The following XPO1 variants were observed in gnomAD, a reference collection of about 807,000 sequenced individuals.
The protein encoded by XPO1 is exportin-1.
In XPO1, 5 loss-of-function variants were observed where a neutral mutation model predicts 133.3. The observed-to-expected ratio is 0.04, with a 90% CI of 0.02 to 0.08. The LOEUF (loss-of-function observed/expected upper bound fraction) is 0.08, where lower values mean the gene tolerates loss of function less well. Among genes scored for constraint, XPO1 ranks in the 10% least tolerant of loss-of-function variants. The probability of loss-of-function intolerance (pLI) is 1.00; values close to 1 mark genes in which losing one functional copy is unlikely to be tolerated. For synonymous variants in XPO1, 419 were observed against 408.2 expected, an observed-to-expected ratio of 1.03 and a Z score of -0.32; for missense variants, 506 against 1,267.5, an observed-to-expected ratio of 0.40 and a Z score of 9.12.
At chr2:61,505,900 A>G (rs114890184) in intron 4 of XPO1, among the ~76,000 whole-genome samples, 2,380 of 152,236 alleles carry the variant, frequency 0.016, 55 homozygotes, top group African/African-American at 0.053. Flanking sequence ...ACTACTTTCC[A>G]TATGTCCTTA....
In XPO1 at chr2:61,533,740, TAATGTTATAAAG is replaced by T; in HGVS notation, c.126+20_126+31del. 1 of 1,546,458 alleles carries T rather than the reference TAATGTTATAAAG, an allele frequency of 6.5e-7. No homozygotes were observed. The highest frequency in any genetic ancestry group is 8.7e-7 in the Non-Finnish European group (1 of 1,148,728). On this transcript the variant is annotated intron_variant, in intron 2 of 24. Transcript: ENST00000401558. ...ACCCAACAACTCTGTTACACTGTCA[TAATGTTATAAAG>T]TTTTGGTTGGCTACTTTACCTGGGC...
intron 12 of XPO1, chr2:61,493,383 C>T (rs1697087216): frequency 5.0e-6 from 1 of 201,634 alleles, no homozygotes. Context: ...GTGGTGTGTG[C>T]CTGCAACCAA....
chr2:61,482,870 G>A (rs1246569944), intron 22 of XPO1, 87 bp downstream of exon 22: 44 of 1,522,782 alleles, frequency 2.9e-5, no homozygotes, highest in East Asian at 9.2e-5. Flanking sequence ...TAATCTCCCC[G>A]CCTCGACCTC....
rs892154526 is a variant in XPO1, at chr2:61,538,318, G to T, written c.-763C>A. The T allele has an allele frequency of 5.2e-4, 82 of 158,288 alleles. No homozygotes were observed. The highest frequency in any genetic ancestry group is 4.9e-4 in the Non-Finnish European group (35 of 71,748). 9.8% of individuals were successfully genotyped at this position (158,288 alleles called of 1,614,324 possible). Reference sequence around the variant, plus strand: ...CAGACTGGGAGATTCCATCTCGGTTGAGTTTTCAGCCCATGGCGCCGCGGA... The same window carrying T: ...CAGACTGGGAGATTCCATCTCGGTTTAGTTTTCAGCCCATGGCGCCGCGGA... On this transcript the variant is annotated 5_prime_UTR_variant, in exon 1 of 25. Transcript: ENST00000401558.
At chr2:61,496,716 T>A (rs1697258640) in intron 10 of XPO1, among the ~76,000 whole-genome samples, 163 bp downstream of exon 10, 1 of 152,162 alleles carries the variant, frequency 6.6e-6, no homozygotes, top group Admixed American at 6.5e-5. Context: ...TAAGAAATTT[T>A]TGGAAACATC....
chr2:61,538,498 T>G (rs1416765630), upstream of XPO1: 1 of 152,632 alleles, frequency 6.6e-6, no homozygotes. Context: ...CTACCTCTTT[T>G]CAGCAGCGAT....
chr2:61,510,795 A>T (rs1330564933), intron 4 of XPO1, among the ~76,000 whole-genome samples: 1 of 152,058 alleles, frequency 6.6e-6, no homozygotes, highest in East Asian at 1.9e-4. Flanking sequence ...ACAGTGAGCC[A>T]GGTATGATTC....
intron 4 of XPO1, among the ~76,000 whole-genome samples, chr2:61,508,974 G>A (rs1697957131): frequency 6.6e-6 from 1 of 152,062 alleles, no homozygotes; most frequent in South Asian, 2.1e-4. Context: ...CCCCAAATCT[G>A]AAATCTGAAA....
chr2:61,493,195 T>G, intron 12 of XPO1, 142 bp from the exon 13 acceptor site: 1 of 815,500 alleles, frequency 1.2e-6, no homozygotes, highest in Non-Finnish European at 1.8e-6. Flanking sequence ...ATTCCAACTA[T>G]TCCGGAGGGC....
intron 24 of XPO1, chr2:61,480,349 G>C (rs1413040852): frequency 7.2e-6 from 1 of 138,054 alleles, no homozygotes; most frequent in African/African-American, 2.8e-5. Flanking sequence ...ACGTGATCTC[G>C]GCTCACCGCA....
Position 61,502,053 on chromosome 2 carries a change from A to G in XPO1, c.364-13T>C, listed in dbSNP as rs1165566687. ...ACACCTTTTCTTTCTAAGGAAAAGT[A>G]AAAGATTAAATGAGAGCCTGAGGTA... On this transcript the variant is annotated splice_polypyrimidine_tract_variant and intron_variant, in intron 5 of 24. Coordinates refer to ENST00000401558, the MANE Select transcript of XPO1 (RefSeq NM_003400.4). 6.3e-7 allele frequency: 1 copy of G among 1,596,140 alleles called. No homozygotes were observed. The highest frequency in any genetic ancestry group is 8.5e-7 in the Non-Finnish European group (1 of 1,170,154).
chr2:61,526,952 C>A (rs967831190), intron 2 of XPO1, among the ~76,000 whole-genome samples: 3 of 152,248 alleles, frequency 2.0e-5, no homozygotes, highest in African/African-American at 7.2e-5. Context: ...AGGTGATCTG[C>A]CTGCCTTGGC....
chr2:61,502,736 G>C (rs149931507), intron 4 of XPO1: 2,357 of 135,114 alleles, frequency 0.017, 52 homozygotes, highest in African/African-American at 0.062. Context: ...CTGGGCAACA[G>C]AGCAAGACTT....
chr2:61,531,403 CAA>C (rs1324664379), intron 2 of XPO1, among the ~76,000 whole-genome samples: 4 of 152,136 alleles, frequency 2.6e-5, no homozygotes, highest in Admixed American at 2.6e-4. Context: ...TTTTTATTAA[CAA>C]GTCAATTTTA....
At chr2:61,513,227 T>G (rs1698181774) in intron 4 of XPO1, among the ~76,000 whole-genome samples, 1 of 152,072 alleles carries the variant, frequency 6.6e-6, no homozygotes. Context: ...CCTGGCTAAT[T>G]TGTTTGTATT....
chr2:61,483,691 T>G (rs576938208), intron 21 of XPO1: 1 of 414,130 alleles, frequency 2.4e-6, no homozygotes, highest in Non-Finnish European at 4.3e-6. Context: ...CACTACCCAG[T>G]AGAACTTTGT....
Position 61,526,477 on chromosome 2 carries a change from A to C in XPO1, c.171T>G (p.Pro57=). The C allele has an allele frequency of 1.9e-6, 3 of 1,607,834 alleles. No homozygotes were observed. Among genetic ancestry groups the C allele is most frequent in the Non-Finnish European group, 8.5e-7 (1 of 1,178,628 alleles). ...TTGTGTCGACTCTTGTCCAAGCATC[A>C]GGATGCTCCTTTAAATGTGTCAGTA... ...QEVLTHLKEH[P]DAWTRVDTIL... The change falls in exon 3 of 25, where the codon CCT becomes CCG. Residue 57 remains proline, a synonymous_variant. Transcript: ENST00000401558.
At chr2:61,526,686 T>C (rs1400558892) in intron 2 of XPO1, among the ~76,000 whole-genome samples, 165 bp from the exon 3 acceptor site, 1 of 150,822 alleles carries the variant, frequency 6.6e-6, no homozygotes, top group African/African-American at 2.4e-5. Flanking sequence ...AGAAATAAAA[T>C]TATATAAATA....
At chr2:61,484,801 T>C (rs1363152949) in intron 20 of XPO1, 1 of 152,448 alleles carries the variant, frequency 6.6e-6, no homozygotes, top group Admixed American at 6.5e-5. Context: ...GATAATTTTT[T>C]GTATTTTTAG....
Sources: gnomAD v4.1 joint callset for allele counts (sites outside exome capture counted in the v4.1 genomes callset) on GRCh38, gnomAD v4.1.1 for gene constraint, MANE v1.5 for transcripts, NCBI Gene and HGNC (gene_info 2026-07-23, HGNC 2026-07-21) for gene names.